The following KCNJ5 variants were observed in gnomAD, a reference collection of about 807,000 sequenced individuals.
The protein encoded by KCNJ5 is potassium inwardly rectifying channel subfamily J member 5.
A neutral mutation model predicts 20.2 loss-of-function variants in KCNJ5; 12 were observed. The observed-to-expected ratio is 0.59, with a 90% confidence interval of 0.38 to 0.96. The LOEUF (loss-of-function observed/expected upper bound fraction) is 0.96, where lower values mean the gene tolerates loss of function less well. Ranked by LOEUF, KCNJ5 falls within the 40% of genes least tolerant of loss-of-function variation. The probability of loss-of-function intolerance (pLI) is 0.00; values close to 1 mark genes in which losing one functional copy is unlikely to be tolerated. For synonymous variants in KCNJ5, 210 were observed against 213.9 expected (o/e 0.98, Z 0.16); for missense variants, 449 against 557.6 (o/e 0.81, Z 1.96).
intron 2 of KCNJ5, among the ~76,000 whole-genome samples, chr11:128,913,668 T>A (rs1289606155): frequency 1.3e-5 from 2 of 152,096 alleles, no homozygotes; most frequent in African/African-American, 4.8e-5. Context: ...GAATGATGCA[T>A]GTCTATTTTT....
Position 128,912,076 on chromosome 11 carries a change from T to C in KCNJ5, c.803T>C (p.Leu268Pro). The change falls in exon 2 of 3, where the codon CTC (leucine) becomes CCC (proline). Residue 268 changes from leucine to proline, a missense_variant. Leu to Pro is a moderately conservative substitution (Grantham distance 98). Transcript: ENST00000529694. ...GGCTTTGACACGGGCGACGACCGCC[T>C]CTTCCTTGTGTCTCCTCTGATCATC... is the stretch of plus-strand genomic sequence containing the variant. Reference protein sequence around the residue: ...NVGFDTGDDRLFLVSPLIISH... With the variant: ...NVGFDTGDDRPFLVSPLIISH... The C allele has an allele frequency of 6.2e-7, 1 of 1,613,918 alleles. No individual in the cohort carries two copies. The highest frequency in any genetic ancestry group is 1.1e-5 in the South Asian group (1 of 91,078).
intron 1 of KCNJ5, chr11:128,905,890 C>A (rs1944403814): frequency 6.6e-6 from 1 of 152,178 alleles, no homozygotes; most frequent in Admixed American, 6.5e-5. Context: ...CGATTCCGGG[C>A]GAGGTTTTTA....
intron 2 of KCNJ5, among the ~76,000 whole-genome samples, chr11:128,915,880 TG>T: frequency 2.0e-5 from 3 of 149,490 alleles, no homozygotes; most frequent in Non-Finnish European, 4.4e-5. Context: ...GATGGATGGA[TG>T]GATGGGTGAT....
intron 2 of KCNJ5, among the ~76,000 whole-genome samples, chr11:128,912,942 G>A (rs1944525044): frequency 6.6e-6 from 1 of 152,234 alleles, no homozygotes. Context: ...GCCAGCACTT[G>A]TTTCCAACAG....
rs767992794 is a variant in KCNJ5 at position 128,911,264 on chromosome 11, C to G, written c.-10C>G. ...CTGATGGTGTCTTTTTAACTCAAAG[C>G]ATCCCAGCTATGGCTGGCGATTCTA... On this transcript the variant is annotated splice_region_variant and 5_prime_UTR_variant, in exon 2 of 3. Transcript: ENST00000529694. The surrounding 1 kb of genome is among the most constrained non-coding windows in gnomAD (Gnocchi z 6.3). 1.6e-5 allele frequency: 26 copies of G among 1,612,096 alleles called. No homozygotes were observed. Among genetic ancestry groups the G allele is most frequent in the Non-Finnish European group, 2.0e-5 (23 of 1,178,462 alleles).
intron 1 of KCNJ5, among the ~76,000 whole-genome samples, chr11:128,908,537 CG>C (rs1418074931): frequency 6.6e-6 from 1 of 152,162 alleles, no homozygotes; most frequent in Non-Finnish European, 1.5e-5. Context: ...ATCTGCCAGA[CG>C]CAAAAAGTTT....
intron 1 of KCNJ5, chr11:128,905,679 C>G (rs1307035801): frequency 1.3e-5 from 2 of 152,106 alleles, no homozygotes; most frequent in African/African-American, 4.8e-5. Flanking sequence ...AGCCCTGGGA[C>G]CTGGACCTTA....
rs187194427 is a variant in KCNJ5 at position 128,904,208 on chromosome 11, T to A, written c.-10-7056T>A. Among the ~76,000 whole-genome samples the A allele has an allele frequency of 4.1e-3, 625 of 152,302 alleles. 4 individuals carry two copies. Among genetic ancestry groups the A allele is most frequent in the African/African-American group, 0.014 (596 of 41,560 alleles). On this transcript the variant is annotated intron_variant, in intron 1 of 2. Transcript: ENST00000529694. The stretch of plus-strand genomic sequence containing the variant: ...ATTATTACTGTTTGCTCCCCTGTTC[T>A]CAGGCCCACAAGGCTCTGCCACCTC...
chr11:128,899,012 T>C (rs1273099722), intron 1 of KCNJ5, among the ~76,000 whole-genome samples: 3 of 152,258 alleles, frequency 2.0e-5, no homozygotes, highest in African/African-American at 7.2e-5. Context: ...TTTTCTCTTA[T>C]TCTCAATGGA....
intron 1 of KCNJ5, chr11:128,904,714 C>G: frequency 1.7e-6 from 1 of 594,728 alleles, no homozygotes; most frequent in Non-Finnish European, 3.0e-6. Context: ...CCCCAGAGCT[C>G]AACATAATTC....
At chr11:128,912,309 C>T in intron 2 of KCNJ5, 99 bp downstream of exon 2, 1 of 985,918 alleles carries the variant, frequency 1.0e-6, no homozygotes, top group Non-Finnish European at 1.6e-6. Flanking sequence ...CCTGAGAGTC[C>T]TGGGGTGGCG....
At chr11:128,895,261 A>G (rs753039895) in intron 1 of KCNJ5, among the ~76,000 whole-genome samples, 1 of 152,154 alleles carries the variant, frequency 6.6e-6, no homozygotes, top group African/African-American at 2.4e-5. Context: ...CAATGCCATC[A>G]TCCTACATTA....
chr11:128,907,390 C>A (rs2604205), intron 1 of KCNJ5, among the ~76,000 whole-genome samples: 39,696 of 152,068 alleles, frequency 0.26, 5,399 homozygotes, highest in East Asian at 0.37. Context: ...GTTTTCCTCC[C>A]TGTGGGTGCG....
chr11:128,901,617 C>T (rs184062976), intron 1 of KCNJ5: 28 of 152,422 alleles, frequency 1.8e-4, no homozygotes, highest in Admixed American at 1.4e-3. Flanking sequence ...GGAGCAACCT[C>T]AGTCCTGCAT....
intron 2 of KCNJ5, among the ~76,000 whole-genome samples, chr11:128,913,879 C>T (rs932258217): frequency 1.3e-5 from 2 of 152,226 alleles, no homozygotes; most frequent in African/African-American, 2.4e-5. Flanking sequence ...ATTCCAGCCC[C>T]CAGGAAGCTG....
At chr11:128,905,592 T>C (rs1944394395) in intron 1 of KCNJ5, 1 of 150,456 alleles carries the variant, frequency 6.6e-6, no homozygotes, top group South Asian at 2.1e-4. Flanking sequence ...GATGGCGGGG[T>C]GGCGGGAGGG....
At chr11:128,892,106 G>C (rs1418522539) in intron 1 of KCNJ5, among the ~76,000 whole-genome samples, 1 of 151,604 alleles carries the variant, frequency 6.6e-6, no homozygotes, top group South Asian at 2.1e-4. Flanking sequence ...GGGCCAGGAT[G>C]GGGGGCGGTG....
chr11:128,907,117 C>T (rs1186084212), intron 1 of KCNJ5, among the ~76,000 whole-genome samples: 1 of 152,190 alleles, frequency 6.6e-6, no homozygotes, highest in Non-Finnish European at 1.5e-5. Flanking sequence ...CCATATGAGA[C>T]ATAAGCACGC....
At chr11:128,904,332 C>T in intron 1 of KCNJ5, 4 of 1,522,628 alleles carry the variant, frequency 2.6e-6, no homozygotes, top group Admixed American at 1.8e-5. Flanking sequence ...GCCTCTCTCT[C>T]ACTCTCTACT....
Sources: gnomAD v4.1 joint callset for allele counts (sites outside exome capture counted in the v4.1 genomes callset) on GRCh38, gnomAD v4.1.1 for gene constraint, Gnocchi (gnomAD v3.1) non-coding constraint, MANE v1.5 for transcripts, NCBI Gene and HGNC (gene_info 2026-07-23, HGNC 2026-07-21) for gene names.